Variants in MEF2C observed in about 807,000 individuals in gnomAD.
MEF2C encodes myocyte-specific enhancer factor 2C.
Under a neutral mutation model 50.5 loss-of-function variants are expected in MEF2C, and 6 were observed. The observed-to-expected ratio is 0.12, with a 90% confidence interval of 0.07 to 0.23. The LOEUF (loss-of-function observed/expected upper bound fraction) is 0.23, where lower values mean the gene tolerates loss of function less well. Among genes scored for constraint, MEF2C ranks in the 10% least tolerant of loss-of-function variants. The probability of loss-of-function intolerance (pLI) is 1.00; values close to 1 mark genes in which losing one functional copy is unlikely to be tolerated. For missense variants in MEF2C, 276 were observed against 605.0 expected (o/e 0.46, Z 5.70); for synonymous variants, 183 against 228.0 (o/e 0.80, Z 1.78).
At chr5:88,858,236 G>C (rs1193792200) in intron 1 of MEF2C, among the ~76,000 whole-genome samples, 1 of 152,066 alleles carries the variant, frequency 6.6e-6, no homozygotes, top group Non-Finnish European at 1.5e-5. Flanking sequence ...ATCACCTCAA[G>C]ACCAACCTCT....
At chr5:88,767,038 C>T (rs903428114) in intron 3 of MEF2C, among the ~76,000 whole-genome samples, 1 of 152,170 alleles carries the variant, frequency 6.6e-6, no homozygotes, top group South Asian at 2.1e-4. Context: ...AAGAATATTT[C>T]CTGAAAGTGT....
chr5:88,822,978 C>T (rs1229002604), intron 2 of MEF2C, among the ~76,000 whole-genome samples: 6 of 151,900 alleles, frequency 3.9e-5, no homozygotes. Flanking sequence ...ATCCACTCTC[C>T]CCTAGTGTGA....
chr5:88,869,292 T>C (rs1402101162), intron 1 of MEF2C, among the ~76,000 whole-genome samples: 4 of 90,718 alleles, frequency 4.4e-5, no homozygotes, highest in African/African-American at 1.1e-4. Context: ...TATATATATA[T>C]ATACACATAT....
chr5:88,849,975 G>A (rs1329469766), intron 1 of MEF2C, among the ~76,000 whole-genome samples: 2 of 152,094 alleles, frequency 1.3e-5, no homozygotes, highest in African/African-American at 2.4e-5. Flanking sequence ...TAGGGTACAT[G>A]TGCACAACTT....
At chr5:88,884,353 C>T (rs1833786370), upstream of MEF2C, 1 of 152,242 alleles carries the variant, frequency 6.6e-6, no homozygotes, top group Non-Finnish European at 1.5e-5. Context: ...TCCAGGATGT[C>T]TGCAGCACTC....
chr5:88,771,361 C>G, intron 3 of MEF2C: 2 of 840,406 alleles, frequency 2.4e-6, no homozygotes, highest in East Asian at 1.2e-4. Flanking sequence ...TACTCCTCCT[C>G]TCAGTTACAC....
chr5:88,895,874 C>T (rs1260154383), intron 1 of MEF2C, among the ~76,000 whole-genome samples: 1 of 152,206 alleles, frequency 6.6e-6, no homozygotes, highest in East Asian at 1.9e-4. Context: ...GCCGCCTAAT[C>T]CATGACACGG....
At chr5:88,903,135 AT>A (rs1835829149) in intron 1 of MEF2C, among the ~76,000 whole-genome samples, 2 of 152,032 alleles carry the variant, frequency 1.3e-5, no homozygotes, top group South Asian at 4.1e-4. Flanking sequence ...TCTGAAAAAA[AT>A]ATTTTTGCCT....
At chr5:88,822,672 G>C (rs1808949741) in intron 2 of MEF2C, among the ~76,000 whole-genome samples, 1 of 151,886 alleles carries the variant, frequency 6.6e-6, no homozygotes, top group South Asian at 2.1e-4. Context: ...ATCAGTTCTA[G>C]TCCTATTTGT....
At chr5:88,752,847 T>A in intron 4 of MEF2C, 2 of 751,598 alleles carry the variant, frequency 2.7e-6, no homozygotes, top group Non-Finnish European at 3.2e-6. Context: ...TCTGCTGTAC[T>A]AACTAGATGA....
intron 7 of MEF2C, 176 bp downstream of exon 7, chr5:88,731,553 A>C: frequency 1.7e-6 from 1 of 592,516 alleles, no homozygotes; most frequent in Non-Finnish European, 3.0e-6. Context: ...GGAAAAGGGA[A>C]ATGCAAACCA....
chr5:88,765,600 T>C (rs1779707211), intron 3 of MEF2C, among the ~76,000 whole-genome samples: 1 of 152,182 alleles, frequency 6.6e-6, no homozygotes, highest in Non-Finnish European at 1.5e-5. Flanking sequence ...CTTCGGGCCC[T>C]TTTCTAGCAA....
chr5:88,775,798 G>C (rs1043207850), intron 3 of MEF2C: 1 of 983,334 alleles, frequency 1.0e-6, no homozygotes, highest in African/African-American at 1.7e-5. Flanking sequence ...AAGCTAGAGT[G>C]ACACTGAGAA....
intron 6 of MEF2C, chr5:88,743,460 A>C (rs1177165078): frequency 1.0e-6 from 1 of 985,352 alleles, no homozygotes; most frequent in Non-Finnish European, 1.2e-6. Context: ...GCATTGTCTG[A>C]CCTTTCCTCT....
At chr5:88,778,308 T>C (rs1029097309) in intron 3 of MEF2C, among the ~76,000 whole-genome samples, 7 of 152,188 alleles carry the variant, frequency 4.6e-5, no homozygotes, top group African/African-American at 1.7e-4. Context: ...CACAGGTTTA[T>C]TACAATGATT....
At chr5:88,850,749 ATTAT>A (rs1447108121) in intron 1 of MEF2C, among the ~76,000 whole-genome samples, 2 of 151,950 alleles carry the variant, frequency 1.3e-5, no homozygotes, top group Admixed American at 6.6e-5. Flanking sequence ...CATACATATA[ATTAT>A]TTAAGAAAGA....
intron 1 of MEF2C, among the ~76,000 whole-genome samples, chr5:88,895,887 T>G (rs527588257): frequency 6.6e-6 from 1 of 152,324 alleles, no homozygotes; most frequent in African/African-American, 2.4e-5. Context: ...TGACACGGTA[T>G]CATTGTGCAA....
chr5:88,887,668 GATTT>G (rs1413450405), upstream of MEF2C: 1 of 152,148 alleles, frequency 6.6e-6, no homozygotes, highest in East Asian at 1.9e-4. Flanking sequence ...CTTTCAAATA[GATTT>G]ATTTCTAAAA....
At chr5:88,880,459 T>C (rs1832477066) in intron 1 of MEF2C, among the ~76,000 whole-genome samples, 1 of 152,106 alleles carries the variant, frequency 6.6e-6, no homozygotes, top group Non-Finnish European at 1.5e-5. Flanking sequence ...TTTCATAGAC[T>C]CAAATTATAC....
Sources: allele counts gnomAD v4.1 joint callset (sites outside exome capture counted in the v4.1 genomes callset), GRCh38; gene constraint gnomAD v4.1.1; transcripts MANE v1.5; gene names NCBI Gene and HGNC (gene_info 2026-07-23, HGNC 2026-07-21).